Variants in HPSE2 observed in about 807,000 individuals in gnomAD.
HPSE2 encodes the protein heparanase 2 (inactive), also known as inactive heparanase-2.
A neutral mutation model predicts 60.5 loss-of-function variants in HPSE2; 38 were observed. The ratio of observed to expected loss-of-function variants is 0.63; its 90% CI spans 0.48 to 0.82. The LOEUF is 0.82. Among genes scored for constraint, HPSE2 ranks in the 40% least tolerant of loss-of-function variants. HPSE2 has a pLI of 0.00. For synonymous variants in HPSE2, 295 were observed against 293.2 expected (o/e 1.01, Z -0.06); for missense variants, 713 against 740.4 (o/e 0.96, Z 0.43).
chr10:98,654,407 C>G (rs989401484), intron 6 of HPSE2, among the ~76,000 whole-genome samples: 34 of 152,226 alleles, frequency 2.2e-4, no homozygotes, highest in African/African-American at 7.9e-4. Flanking sequence ...CTTGGCTATT[C>G]TGTTGTTTTC....
chr10:99,001,244 A>G (rs898632453), intron 3 of HPSE2, among the ~76,000 whole-genome samples: 10 of 152,208 alleles, frequency 6.6e-5, no homozygotes, highest in African/African-American at 2.2e-4. Flanking sequence ...ATGAAGCCTT[A>G]TGATTTATTT....
intron 7 of HPSE2, 77 bp from the exon 8 acceptor site, chr10:98,620,785 C>A: frequency 1.0e-6 from 1 of 957,956 alleles, no homozygotes; most frequent in East Asian, 2.6e-5. Context: ...CACACATTCC[C>A]TTAAGGAAGT....
chr10:99,148,004 T>C (rs764059408), intron 2 of HPSE2, among the ~76,000 whole-genome samples: 1 of 148,856 alleles, frequency 6.7e-6, no homozygotes, highest in Non-Finnish European at 1.5e-5. Context: ...CTCATATACT[T>C]AAGATCTTAC....
intron 6 of HPSE2, among the ~76,000 whole-genome samples, chr10:98,693,688 G>T (rs185338402): frequency 5.3e-4 from 81 of 152,272 alleles, no homozygotes; most frequent in African/African-American, 1.9e-3. Flanking sequence ...TGCGTTAGTT[G>T]TTTTCTTAAA....
chr10:99,106,957 G>T (rs1844272253), intron 3 of HPSE2, among the ~76,000 whole-genome samples: 1 of 152,068 alleles, frequency 6.6e-6, no homozygotes, highest in South Asian at 2.1e-4. Context: ...TGCAACCTCT[G>T]CCTCCTGGAT....
intron 4 of HPSE2, among the ~76,000 whole-genome samples, chr10:98,728,820 C>G (rs1450546544): frequency 6.6e-6 from 1 of 151,912 alleles, no homozygotes; most frequent in Non-Finnish European, 1.5e-5. Flanking sequence ...CCATCCTAGG[C>G]AACACAGTGA....
At chr10:98,725,037 G>C (rs1020348281) in intron 4 of HPSE2, among the ~76,000 whole-genome samples, 47 of 152,062 alleles carry the variant, frequency 3.1e-4, no homozygotes, top group East Asian at 7.7e-4. Flanking sequence ...TAGGAAGAAT[G>C]AATATCGTGA....
intron 3 of HPSE2, among the ~76,000 whole-genome samples, chr10:98,863,982 G>A (rs1400815005): frequency 6.6e-6 from 1 of 151,890 alleles, no homozygotes; most frequent in Non-Finnish European, 1.5e-5. Flanking sequence ...CACGTACTAT[G>A]CAAAACAAAA....
chr10:98,525,814 C>A (rs1942949432), intron 9 of HPSE2, among the ~76,000 whole-genome samples: 1 of 152,124 alleles, frequency 6.6e-6, no homozygotes, highest in Non-Finnish European at 1.5e-5. Flanking sequence ...TAAAAGAACT[C>A]AGAAATTTGG....
At chr10:99,251,788 G>A in the HPSE2 span, among the ~76,000 whole-genome samples, 1 of 142,550 alleles carries the variant, frequency 7.0e-6, no homozygotes, top group African/African-American at 2.6e-5. Context: ...ACTTTAAGCA[G>A]CCAAGGCAGG....
At chr10:99,289,430 T>A in the HPSE2 span, among the ~76,000 whole-genome samples, 1 of 152,150 alleles carries the variant, frequency 6.6e-6, no homozygotes, top group South Asian at 2.1e-4. Context: ...ATCCTACAAT[T>A]ACTGGTGGCA....
At chr10:98,654,069 A>G (rs1231413004) in intron 6 of HPSE2, among the ~76,000 whole-genome samples, 1 of 151,704 alleles carries the variant, frequency 6.6e-6, no homozygotes, top group Non-Finnish European at 1.5e-5. Flanking sequence ...ACATTGCTTC[A>G]TATCAATGCA....
intron 7 of HPSE2, among the ~76,000 whole-genome samples, chr10:98,628,138 C>A (rs1200903899): frequency 1.3e-5 from 2 of 152,124 alleles, no homozygotes; most frequent in Non-Finnish European, 2.9e-5. Context: ...TACAAACCAA[C>A]AAATATTTTC....
chr10:99,302,353 T>C, the HPSE2 span, among the ~76,000 whole-genome samples: 1 of 144,884 alleles, frequency 6.9e-6, no homozygotes, highest in Admixed American at 6.8e-5. Context: ...TTTGAGATCC[T>C]GGAACTTTTA....
At chr10:99,161,610 T>G (rs964256627) in intron 2 of HPSE2, among the ~76,000 whole-genome samples, 3 of 152,194 alleles carry the variant, frequency 2.0e-5, no homozygotes, top group African/African-American at 7.2e-5. Context: ...AGATAATTGT[T>G]GGAAGCCTTT....
chr10:98,661,373 T>A (rs2134086899), intron 6 of HPSE2, among the ~76,000 whole-genome samples: 1 of 152,330 alleles, frequency 6.6e-6, no homozygotes, highest in Non-Finnish European at 1.5e-5. Flanking sequence ...GTAGCTAATA[T>A]ATGTACAAGG....
At chr10:98,904,225 A>AT (rs1953746957) in intron 3 of HPSE2, among the ~76,000 whole-genome samples, 1 of 152,064 alleles carries the variant, frequency 6.6e-6, no homozygotes, top group African/African-American at 2.4e-5. Flanking sequence ...TTAATACAAT[A>AT]TTTTTCCTGT....
intron 3 of HPSE2, among the ~76,000 whole-genome samples, chr10:98,925,979 G>A (rs919134914): frequency 6.6e-6 from 1 of 151,996 alleles, no homozygotes; most frequent in Non-Finnish European, 1.5e-5. Flanking sequence ...CTTCTTACAT[G>A]TTTTTTATAT....
intron 3 of HPSE2, among the ~76,000 whole-genome samples, chr10:99,108,578 C>T (rs1319172008): frequency 6.6e-6 from 1 of 151,936 alleles, no homozygotes; most frequent in Non-Finnish European, 1.5e-5. Context: ...TCTCCATTAT[C>T]CCTGCCTAAA....
Sources: allele counts gnomAD v4.1 joint callset (sites outside exome capture counted in the v4.1 genomes callset), GRCh38; gene constraint gnomAD v4.1.1; transcripts MANE v1.5; gene names NCBI Gene and HGNC (gene_info 2026-07-23, HGNC 2026-07-21).